The following OR51B5 variants were observed in gnomAD, a reference collection of about 807,000 sequenced individuals.
OR51B5 encodes olfactory receptor family 51 subfamily B member 5.
For synonymous variants in OR51B5, 186 were observed against 144.8 expected (o/e 1.28, Z -2.04); for missense variants, 456 against 374.6 (o/e 1.22, Z -1.79).
intron 1 of OR51B5, among the ~76,000 whole-genome samples, chr11:5,379,206 C>T (rs1849573705): frequency 2.0e-5 from 3 of 151,842 alleles, no homozygotes; most frequent in Non-Finnish European, 4.4e-5. Flanking sequence ...TAAACTATCG[C>T]AAGGACAAAA....
intron 1 of OR51B5, among the ~76,000 whole-genome samples, chr11:5,440,230 G>A (rs1361802818): frequency 1.3e-5 from 2 of 151,976 alleles, no homozygotes; most frequent in African/African-American, 4.8e-5. Context: ...GATAAATTCT[G>A]TTTGCCCTGC....
At chr11:5,417,805 A>T (rs1850265811) in intron 1 of OR51B5, among the ~76,000 whole-genome samples, 1 of 122,232 alleles carries the variant, frequency 8.2e-6, no homozygotes, top group Admixed American at 9.1e-5. Flanking sequence ...GAGAAATAGG[A>T]ACACTTTTAC....
intron 1 of OR51B5, among the ~76,000 whole-genome samples, chr11:5,375,788 C>A (rs1188179724): frequency 6.6e-6 from 1 of 152,148 alleles, no homozygotes; most frequent in African/African-American, 2.4e-5. Context: ...GCACCCAATA[C>A]AGGAGCACCC....
At chr11:5,407,746 A>G (rs1850080288) in intron 1 of OR51B5, among the ~76,000 whole-genome samples, 1 of 151,414 alleles carries the variant, frequency 6.6e-6, no homozygotes, top group Non-Finnish European at 1.5e-5. Flanking sequence ...TCATGGGTAC[A>G]CTTTTAATAT....
intron 1 of OR51B5, among the ~76,000 whole-genome samples, chr11:5,406,887 T>TG (rs763308800): frequency 4.6e-5 from 7 of 152,202 alleles, no homozygotes; most frequent in South Asian, 4.1e-4. Context: ...CTCAGAGGGT[T>TG]GGAGTACAAG....
intron 1 of OR51B5, among the ~76,000 whole-genome samples, chr11:5,438,584 C>T (rs939447565): frequency 6.6e-6 from 1 of 152,170 alleles, no homozygotes; most frequent in African/African-American, 2.4e-5. Flanking sequence ...TTATCTATTG[C>T]TCTTTTTTAG....
At chr11:5,342,545 G>C (rs766890322), downstream of OR51B5, 3 of 1,528,932 alleles carry the variant, frequency 2.0e-6, no homozygotes, top group Non-Finnish European at 2.6e-6. Flanking sequence ...CTAAATATTA[G>C]AGTTTTTACA....
chr11:5,370,387 G>T, intron 1 of OR51B5, among the ~76,000 whole-genome samples: 1 of 152,134 alleles, frequency 6.6e-6, no homozygotes, highest in East Asian at 1.9e-4. Context: ...AAAATAGCTG[G>T]GTTGTCAGGT....
chr11:5,363,237 TCACACACACACA>T (rs3219794), intron 1 of OR51B5, among the ~76,000 whole-genome samples: 3,653 of 143,016 alleles, frequency 0.026, 143 homozygotes, highest in African/African-American at 0.069. Flanking sequence ...ACCCAACCCC[TCACACACACACA>T]CACACACACA....
At position 5,449,920 on chromosome 11, in the gene OR51B5, G is replaced by A. The variant is rs138181403; in HGVS notation, n.84+55649C>T. Among the ~76,000 whole-genome samples the A allele has an allele frequency of 2.8e-3, 423 of 152,270 alleles. 1 individual carries two copies. The highest frequency in any genetic ancestry group is 9.8e-3 in the African/African-American group (409 of 41,552). On this transcript the variant is annotated intron_variant and non_coding_transcript_variant, in intron 1 of 4. Transcript: ENST00000415970. ...TTCATTCTTTATTATCCATGATACA[G>A]ATTGAAAACTGTGGTCTTTAGACAG...
At chr11:5,363,232 ACCCCT>A (rs1564921893) in intron 1 of OR51B5, among the ~76,000 whole-genome samples, 6 of 78,970 alleles carry the variant, frequency 7.6e-5, no homozygotes, top group African/African-American at 2.9e-4. Context: ...AACGAACCCA[ACCCCT>A]CACACACACA....
At chr11:5,441,588 C>A in intron 1 of OR51B5, 1 of 1,102,326 alleles carries the variant, frequency 9.1e-7, no homozygotes, top group African/African-American at 1.6e-5. Context: ...TTCAGATATC[C>A]TGTCTCCAAC....
At chr11:5,377,827 G>A (rs557362973) in intron 1 of OR51B5, among the ~76,000 whole-genome samples, 13 of 152,160 alleles carry the variant, frequency 8.5e-5, no homozygotes, top group Admixed American at 3.9e-4. Flanking sequence ...CAAACAAATG[G>A]AAGAACATTC....
chr11:5,359,793 G>C (rs1488285965), intron 1 of OR51B5, among the ~76,000 whole-genome samples: 1 of 151,604 alleles, frequency 6.6e-6, no homozygotes, highest in East Asian at 1.9e-4. Flanking sequence ...TACCAAAACA[G>C]AGATATAGAC....
intron 1 of OR51B5, among the ~76,000 whole-genome samples, chr11:5,364,760 T>A (rs1849340910): frequency 6.6e-6 from 1 of 152,192 alleles, no homozygotes; most frequent in Non-Finnish European, 1.5e-5. Flanking sequence ...GTCCCTTGTT[T>A]ACAGGGTCCC....
intron 1 of OR51B5, chr11:5,441,594 C>G (rs1850690653): frequency 9.5e-7 from 1 of 1,050,898 alleles, no homozygotes; most frequent in South Asian, 1.5e-5. Context: ...TATCCTGTCT[C>G]CAACAAAAGG....
At chr11:5,362,643 A>G (rs76889281) in intron 1 of OR51B5, 72,309 of 186,024 alleles carry the variant, frequency 0.39, 15,184 homozygotes, top group South Asian at 0.42. Flanking sequence ...AGCAGATACA[A>G]CAGCCCGGTC....
Position 5,445,249 on chromosome 11 carries a change from A to C in OR51B5, n.84+60320T>G, listed in dbSNP as rs1850743503. On this transcript the variant is annotated intron_variant and non_coding_transcript_variant, in intron 1 of 4. Transcript: ENST00000415970. ...ATGTTTTAAATACATTTCCCTGCTT[A>C]AATAGCTAAAAATATATATTGCAGA... 2.6e-5 allele frequency among the ~76,000 whole-genome samples: 4 copies of C among 152,226 alleles called. 1 individual carries two copies. In the South Asian group the frequency reaches 8.3e-4, roughly 31 times the overall value.
chr11:5,352,457 C>G (rs745524593), intron 1 of OR51B5: 13 of 1,526,426 alleles, frequency 8.5e-6, no homozygotes, highest in Non-Finnish European at 1.1e-5. Flanking sequence ...CATTGTTTCA[C>G]TGGTCTCTGA....
Sources: allele counts gnomAD v4.1 joint callset (sites outside exome capture counted in the v4.1 genomes callset), GRCh38; gene constraint gnomAD v4.1.1; transcripts MANE v1.5; gene names NCBI Gene and HGNC (gene_info 2026-07-23, HGNC 2026-07-21).